The following RARS2 variants were observed in gnomAD, a reference collection of about 807,000 sequenced individuals.
The protein encoded by RARS2 is arginyl-tRNA synthetase 2, mitochondrial, also known as probable arginine--tRNA ligase, mitochondrial.
RARS2 carries 67 observed loss-of-function variants against 88.5 expected under a neutral mutation model. That is an observed-to-expected ratio of 0.76 (90% CI 0.62 to 0.93). RARS2 has a LOEUF of 0.93. Among genes scored for constraint, RARS2 ranks in the 40% least tolerant of loss-of-function variants. The pLI, the probability that RARS2 is intolerant of heterozygous loss-of-function variation, is 0.00. For missense variants in RARS2, 664 were observed against 684.2 expected, an observed-to-expected ratio of 0.97 and a Z score of 0.33; for synonymous variants, 239 against 230.3, an observed-to-expected ratio of 1.04 and a Z score of -0.34.
chr6:87,515,318 G>A (rs554098235), intron 18 of RARS2, among the ~76,000 whole-genome samples: 20 of 152,136 alleles, frequency 1.3e-4, no homozygotes, highest in African/African-American at 4.8e-4. Context: ...TCAGGAGATC[G>A]AGACCATCCT....
At chr6:87,549,080 T>C (rs1403094936) in intron 5 of RARS2, among the ~76,000 whole-genome samples, 1 of 151,684 alleles carries the variant, frequency 6.6e-6, no homozygotes, top group African/African-American at 2.4e-5. Flanking sequence ...GGTGGCTGGG[T>C]GTGGTGGCTC....
At chr6:87,553,985 C>T (rs1012457020) in intron 5 of RARS2, among the ~76,000 whole-genome samples, 3 of 152,026 alleles carry the variant, frequency 2.0e-5, no homozygotes, top group South Asian at 2.1e-4. Context: ...GCATAAAACC[C>T]GCTCTTTCTC....
chr6:87,559,823 A>G (rs1346686133), intron 4 of RARS2, among the ~76,000 whole-genome samples: 1 of 152,176 alleles, frequency 6.6e-6, no homozygotes, highest in African/African-American at 2.4e-5. Context: ...ACCCAGAGCA[A>G]CTTCCAGTCC....
At chr6:87,525,997 T>G (rs1775562293) in intron 10 of RARS2, among the ~76,000 whole-genome samples, 1 of 152,100 alleles carries the variant, frequency 6.6e-6, no homozygotes, top group South Asian at 2.1e-4. Context: ...TATATAACAC[T>G]GATGAAAGAA....
At chr6:87,557,269 A>G (rs964880619) in intron 4 of RARS2, among the ~76,000 whole-genome samples, 1 of 152,234 alleles carries the variant, frequency 6.6e-6, no homozygotes. Context: ...ACATTGTGCA[A>G]TAAGAAACAC....
At chr6:87,535,201 A>G (rs138739099) in intron 8 of RARS2, among the ~76,000 whole-genome samples, 1 of 152,264 alleles carries the variant, frequency 6.6e-6, no homozygotes, top group African/African-American at 2.4e-5. Flanking sequence ...AATGTAACTT[A>G]AAACAATGAT....
chr6:87,587,687 T>C (rs1388357574), intron 1 of RARS2, among the ~76,000 whole-genome samples: 1 of 152,246 alleles, frequency 6.6e-6, no homozygotes, highest in East Asian at 1.9e-4. Flanking sequence ...TACTTCTATA[T>C]CACAGGGTTG....
intron 2 of RARS2, among the ~76,000 whole-genome samples, chr6:87,566,974 G>C (rs533187205): frequency 6.6e-6 from 1 of 152,048 alleles, no homozygotes; most frequent in Non-Finnish European, 1.5e-5. Context: ...TGAGGCAGGC[G>C]CATGTTGCCC....
At chr6:87,559,034 T>A (rs1028145265) in intron 4 of RARS2, among the ~76,000 whole-genome samples, 1 of 152,058 alleles carries the variant, frequency 6.6e-6, no homozygotes, top group Non-Finnish European at 1.5e-5. Flanking sequence ...CTAAGGCTAA[T>A]GTGTTTGTGT....
chr6:87,556,361 A>C (rs1785879891), intron 4 of RARS2, among the ~76,000 whole-genome samples: 2 of 152,012 alleles, frequency 1.3e-5, no homozygotes, highest in African/African-American at 4.8e-5. Flanking sequence ...GGCTGAGTGC[A>C]GTGGTGCAAT....
In RARS2 at chr6:87,521,630, A is replaced by C. The variant is rs1013968017; in HGVS notation, c.975-106T>G. On this transcript the variant is annotated intron_variant, in intron 11 of 19. Coordinates refer to ENST00000369536, the MANE Select transcript of RARS2 (RefSeq NM_020320.5). ...CATTTTCTAATTAAGAATTTAAATT[A>C]TACCACAGCCTGAGGAATTCCACCC... The C allele has an allele frequency of 1.6e-5, 13 of 828,130 alleles. No homozygotes were observed. In the Admixed American group the frequency reaches 2.3e-4, roughly 14 times the overall value. The allele number at this position is 828,130 out of a possible 1,614,324, so 51.3% of individuals were successfully genotyped here.
chr6:87,517,728 G>C (rs568944606), intron 17 of RARS2, among the ~76,000 whole-genome samples: 1 of 152,294 alleles, frequency 6.6e-6, no homozygotes, highest in African/African-American at 2.4e-5. Flanking sequence ...CCTAGCATGG[G>C]AGCATCACAT....
At chr6:87,528,402 T>G (rs1045954330) in intron 10 of RARS2, among the ~76,000 whole-genome samples, 1 of 152,170 alleles carries the variant, frequency 6.6e-6, no homozygotes, top group Non-Finnish European at 1.5e-5. Flanking sequence ...TCCAGCAAAC[T>G]CACATCTGGG....
intron 8 of RARS2, among the ~76,000 whole-genome samples, chr6:87,532,474 C>G (rs889809590): frequency 6.6e-6 from 1 of 152,206 alleles, no homozygotes; most frequent in Non-Finnish European, 1.5e-5. Flanking sequence ...ATGACCAACT[C>G]TCAATAAAAA....
Position 87,548,640 on chromosome 6 carries a change from A to C in RARS2, c.402T>G (p.Pro134=). ...QKKIVVEFSS[P]NVAKKFHVGH... ...CAACATGAAATTTTTTGGCAACATTAGGTGAACTGCAAAAAAAATGGGAAA... is the reference window on the plus strand; with the variant it reads ...CAACATGAAATTTTTTGGCAACATTCGGTGAACTGCAAAAAAAATGGGAAA... Residue 134 remains proline, a synonymous_variant, in exon 6 of 20, where the codon CCT becomes CCG. Coordinates refer to ENST00000369536, the MANE Select transcript of RARS2 (RefSeq NM_020320.5). The C allele has an allele frequency of 6.2e-7, 1 of 1,612,774 alleles. No homozygotes were observed. The highest frequency in any genetic ancestry group is 8.5e-7 in the Non-Finnish European group (1 of 1,179,340).
chr6:87,515,087 A>G, intron 18 of RARS2, 67 bp from the exon 19 acceptor site: 3 of 1,201,548 alleles, frequency 2.5e-6, no homozygotes, highest in East Asian at 2.3e-5. Context: ...TATGAGCTTG[A>G]TATCTAATCT....
chr6:87,522,751 A>T (rs996844410), intron 11 of RARS2, among the ~76,000 whole-genome samples: 1 of 152,156 alleles, frequency 6.6e-6, no homozygotes, highest in African/African-American at 2.4e-5. Context: ...TCGTCCTCCC[A>T]AAGTCCTGAG....
intron 1 of RARS2, among the ~76,000 whole-genome samples, chr6:87,581,730 T>C (rs545196200): frequency 2.6e-5 from 4 of 152,240 alleles, no homozygotes; most frequent in Non-Finnish European, 5.9e-5. Context: ...GCATTAGCTA[T>C]TTTTCCTAAA....
intron 17 of RARS2, among the ~76,000 whole-genome samples, chr6:87,517,318 T>C (rs1772118633): frequency 6.6e-6 from 1 of 152,154 alleles, no homozygotes; most frequent in Non-Finnish European, 1.5e-5. Flanking sequence ...AAACTGTGTG[T>C]ACATTTGAAG....
Sources: gnomAD v4.1 joint callset for allele counts (sites outside exome capture counted in the v4.1 genomes callset) on GRCh38, gnomAD v4.1.1 for gene constraint, MANE v1.5 for transcripts, NCBI Gene and HGNC (gene_info 2026-07-23, HGNC 2026-07-21) for gene names.